TNFSF11: variants seen among roughly 807,000 people sequenced by gnomAD.
TNFSF11 encodes TNF superfamily member 11, also known as tumor necrosis factor ligand superfamily member 11.
Under a neutral mutation model 32.2 loss-of-function variants are expected in TNFSF11, and 12 were observed. That is an observed-to-expected ratio of 0.37 (90% confidence interval 0.24 to 0.60). TNFSF11 has a LOEUF of 0.60. TNFSF11 is among the 20% of genes least tolerant of loss of function. The pLI, the probability that TNFSF11 is intolerant of heterozygous loss-of-function variation, is 0.66. For synonymous variants in TNFSF11, 172 were observed against 152.1 expected, an observed-to-expected ratio of 1.13 and a Z score of -0.96; for missense variants, 345 against 398.0, an observed-to-expected ratio of 0.87 and a Z score of 1.13.
At chr13:42,589,750 G>T (rs996518991) in intron 2 of TNFSF11, among the ~76,000 whole-genome samples, 2 of 152,198 alleles carry the variant, frequency 1.3e-5, no homozygotes, top group African/African-American at 4.8e-5. Flanking sequence ...AGGGCAAAGG[G>T]CATGTCTGTC....
chr13:42,590,592 A>G lies in TNFSF11; in HGVS notation c.387+9299A>G, dbSNP rs116769544. Among the ~76,000 whole-genome samples the G allele has an allele frequency of 7.9e-3, 1,207 of 152,300 alleles. 17 individuals carry two copies. The highest frequency in any genetic ancestry group is 0.027 in the African/African-American group (1,104 of 41,562). On this transcript the variant is annotated intron_variant, in intron 2 of 4. Coordinates refer to ENST00000398795, the MANE Select transcript of TNFSF11 (RefSeq NM_003701.4). ...AGCACTGCCAATGGAAGGTGGCATT[A>G]TTTTTCAAGTGGCAGAGGAAAACAG...
At chr13:42,587,544 T>C (rs1873956083) in intron 2 of TNFSF11, among the ~76,000 whole-genome samples, 3 of 152,220 alleles carry the variant, frequency 2.0e-5, no homozygotes, top group Admixed American at 2.0e-4. Flanking sequence ...CAAAATACTT[T>C]GGGATTATTT....
upstream of TNFSF11, among the ~76,000 whole-genome samples, chr13:42,570,899 A>C (rs559722622): frequency 6.6e-6 from 1 of 152,172 alleles, no homozygotes; most frequent in Non-Finnish European, 1.5e-5. Context: ...ATAGGTCTAG[A>C]CCCTAGTATT....
upstream of TNFSF11, chr13:42,574,042 A>G (rs1367119303): frequency 5.5e-6 from 3 of 541,144 alleles, no homozygotes; most frequent in East Asian, 6.7e-5. Flanking sequence ...GAAAGGAAGG[A>G]AGGGGAGCCA....
chr13:42,590,496 T>C (rs1874116043), intron 2 of TNFSF11, among the ~76,000 whole-genome samples: 1 of 152,194 alleles, frequency 6.6e-6, no homozygotes, highest in Admixed American at 6.5e-5. Context: ...CCCCTTTGCG[T>C]CTCATTCTTA....
chr13:42,591,436 C>T (rs990924035), intron 2 of TNFSF11, among the ~76,000 whole-genome samples: 1 of 152,060 alleles, frequency 6.6e-6, no homozygotes, highest in South Asian at 2.1e-4. Flanking sequence ...TCTCACCTCC[C>T]CCAGTGCTCC....
chr13:42,604,389 G>A (rs1050307134), intron 4 of TNFSF11, among the ~76,000 whole-genome samples: 1 of 152,222 alleles, frequency 6.6e-6, no homozygotes, highest in Admixed American at 6.5e-5. Context: ...GACCTCCGAT[G>A]AAAAAGAAGG....
At chr13:42,563,741 C>T (rs1872768591) in intron 1 of TNFSF11, among the ~76,000 whole-genome samples, 1 of 150,960 alleles carries the variant, frequency 6.6e-6, no homozygotes, top group South Asian at 2.1e-4. Flanking sequence ...ATATGGACTA[C>T]TTGTTGGTTT....
chr13:42,606,715 A>G lies in TNFSF11; in HGVS notation c.751A>G (p.Ser251Gly). 1 of 1,614,196 alleles carries G rather than the reference A, an allele frequency of 6.2e-7. No individual in the cohort carries two copies. ...YVTKTSIKIP[S>G]SHTLMKGGST... ...CACTAAAACCAGCATCAAAATCCCA[A>G]GTTCTCATACCCTGATGAAAGGAGG... Residue 251 changes from serine (S) to glycine (G), a missense_variant, in exon 5 of 5, where the codon AGT becomes GGT. Coordinates refer to ENST00000398795, the MANE Select transcript of TNFSF11 (RefSeq NM_003701.4).
At chr13:42,585,664 G>T (rs564668312) in intron 2 of TNFSF11, among the ~76,000 whole-genome samples, 18 of 152,324 alleles carry the variant, frequency 1.2e-4, no homozygotes, top group Non-Finnish European at 2.4e-4. Flanking sequence ...CAGCCGGGGG[G>T]TGAGGAAGGA....
At chr13:42,592,338 C>A (rs938422504) in intron 2 of TNFSF11, among the ~76,000 whole-genome samples, 1 of 152,166 alleles carries the variant, frequency 6.6e-6, no homozygotes, top group Non-Finnish European at 1.5e-5. Context: ...TACTCAGGTT[C>A]GGTAATATTC....
chr13:42,581,032 G>C lies in TNFSF11; in HGVS notation c.220-94G>C, dbSNP rs2277438. On this transcript the variant is annotated intron_variant, in intron 1 of 4. Transcript: ENST00000398795. Reference sequence around the variant, plus strand: ...TTGTTGGGGACATAAAGACTCTTGCGAGTATGAATTTTTTGTTCTTAAGTC... The same window carrying C: ...TTGTTGGGGACATAAAGACTCTTGCCAGTATGAATTTTTTGTTCTTAAGTC... 2.5e-5 allele frequency: 34 copies of C among 1,338,872 alleles called. 1 individual carries two copies. The highest frequency in any genetic ancestry group is 3.4e-5 in the Non-Finnish European group (32 of 933,750). 82.9% of individuals were successfully genotyped at this position (1,338,872 alleles called of 1,614,324 possible). A position where few individuals can be genotyped will look rare whatever the true frequency, so the allele number is the denominator to read the frequency against.
intron 1 of TNFSF11, among the ~76,000 whole-genome samples, chr13:42,563,663 CAAAAA>C (rs34732335): frequency 2.4e-5 from 3 of 127,340 alleles, no homozygotes; most frequent in African/African-American, 2.9e-5. Flanking sequence ...AACTCCGTCT[CAAAAA>C]AAAAAAAAAA....
At chr13:42,600,592 T>G (rs777461709) in intron 2 of TNFSF11, among the ~76,000 whole-genome samples, 160 bp from the exon 3 acceptor site, 3 of 152,238 alleles carry the variant, frequency 2.0e-5, no homozygotes, top group Non-Finnish European at 4.4e-5. Context: ...CTTCCATTGA[T>G]AGCCACCTAA....
chr13:42,568,936 C>A (rs1485444133), intron 2 of TNFSF11, among the ~76,000 whole-genome samples: 2 of 152,062 alleles, frequency 1.3e-5, no homozygotes, highest in African/African-American at 4.8e-5. Flanking sequence ...AGGGTCCTGG[C>A]AGGAAATAGG....
At chr13:42,586,556 T>C (rs1873910779) in intron 2 of TNFSF11, among the ~76,000 whole-genome samples, 1 of 152,218 alleles carries the variant, frequency 6.6e-6, no homozygotes, top group South Asian at 2.1e-4. Flanking sequence ...CAGGCTTCTT[T>C]GTTCTGCATA....
rs182159919 is a variant in TNFSF11 at position 42,568,982 on chromosome 13, A to C, written c.-160+2220A>C. 2.0e-5 allele frequency among the ~76,000 whole-genome samples: 3 copies of C among 152,284 alleles called. No individual in the cohort carries two copies. The East Asian group carries it at 5.8e-4, about 29-fold the overall frequency. ...AAGGGGTTTAACTGAAAAGACTTTA[A>C]TTTGAAGAGTTGAGGTCAGGGTTAA... is the stretch of plus-strand genomic sequence containing the variant. On this transcript the variant is annotated intron_variant, in intron 2 of 6. Coordinates refer to the TNFSF11 transcript ENST00000358545.
intron 2 of TNFSF11, among the ~76,000 whole-genome samples, chr13:42,567,363 A>C (rs1872906629): frequency 6.6e-6 from 1 of 152,218 alleles, no homozygotes; most frequent in Non-Finnish European, 1.5e-5. Flanking sequence ...TAAGAGATAA[A>C]ATTACTCTAA....
At chr13:42,566,577 A>G (rs1872876385) in intron 1 of TNFSF11, 1 of 152,388 alleles carries the variant, frequency 6.6e-6, no homozygotes, top group African/African-American at 2.4e-5. Flanking sequence ...GGAAAAAAGG[A>G]TTTCTTGAAA....
Sources: allele counts gnomAD v4.1 joint callset (sites outside exome capture counted in the v4.1 genomes callset), GRCh38; gene constraint gnomAD v4.1.1; transcripts MANE v1.5; gene names NCBI Gene and HGNC (gene_info 2026-07-23, HGNC 2026-07-21).